The following ANGPT4 variants were observed in gnomAD, a reference collection of about 807,000 sequenced individuals.
ANGPT4 encodes angiopoietin-4.
Under a neutral mutation model 53.0 loss-of-function variants are expected in ANGPT4, and 50 were observed. The ratio of observed to expected loss-of-function variants is 0.94; its 90% CI spans 0.75 to 1.20. ANGPT4 has a LOEUF of 1.20. Among genes scored for constraint, ANGPT4 ranks in the 50% most tolerant of loss-of-function variants. The probability of loss-of-function intolerance (pLI) is 0.00; values close to 1 mark genes in which losing one functional copy is unlikely to be tolerated. For missense variants in ANGPT4, 648 were observed against 637.1 expected, an observed-to-expected ratio of 1.02 and a Z score of -0.18; for synonymous variants, 251 against 259.7, an observed-to-expected ratio of 0.97 and a Z score of 0.32.
At chr20:910,758 C>A (rs1256809946) in intron 1 of ANGPT4, among the ~76,000 whole-genome samples, 1 of 152,124 alleles carries the variant, frequency 6.6e-6, no homozygotes, top group Non-Finnish European at 1.5e-5. Context: ...GCCAGTTGAA[C>A]AAATAAACCC....
chr20:907,932 A>G (rs1418544669), intron 1 of ANGPT4, among the ~76,000 whole-genome samples: 2 of 152,168 alleles, frequency 1.3e-5, no homozygotes, highest in Non-Finnish European at 2.9e-5. Flanking sequence ...CTGGAGGAAA[A>G]GGGTGATTGT....
chr20:916,272 G>T lies in ANGPT4; in HGVS notation c.-58C>A. On this transcript the variant is annotated 5_prime_UTR_variant, in exon 1 of 9. Coordinates refer to ENST00000381922, the MANE Select transcript of ANGPT4 (RefSeq NM_015985.4). The stretch of plus-strand genomic sequence containing the variant: ...TCAGAGCCCTAGGGGCTGTGCCTGG[G>T]ATGTCCTGCTGCAGCCAACAGTGGC... The T allele has an allele frequency of 6.5e-7, 1 of 1,548,502 alleles. No individual in the cohort carries two copies.
chr20:877,283 A>G (rs1981205850), intron 7 of ANGPT4, among the ~76,000 whole-genome samples: 1 of 152,202 alleles, frequency 6.6e-6, no homozygotes, highest in South Asian at 2.1e-4. Flanking sequence ...GAAGAACCAG[A>G]TGACACGTGA....
chr20:881,323 G>T, intron 4 of ANGPT4, 37 bp from the exon 5 acceptor site: 1 of 1,596,320 alleles, frequency 6.3e-7, no homozygotes. Flanking sequence ...TTGGAGGTGG[G>T]CAAGGAAAGA....
intron 4 of ANGPT4, among the ~76,000 whole-genome samples, chr20:883,101 C>T (rs61141395): frequency 0.096 from 14,666 of 152,244 alleles, 1,105 homozygotes; most frequent in East Asian, 0.43. Flanking sequence ...TTATTATTCC[C>T]GTTTTACAAG....
chr20:886,765 A>G (rs1981633865), intron 3 of ANGPT4, among the ~76,000 whole-genome samples: 1 of 152,246 alleles, frequency 6.6e-6, no homozygotes, highest in Non-Finnish European at 1.5e-5. Context: ...TTGTATGGGT[A>G]CTCAAAGTAC....
chr20:874,483 A>G, intron 7 of ANGPT4, 69 bp from the exon 8 acceptor site: 1 of 1,587,612 alleles, frequency 6.3e-7, no homozygotes, highest in Admixed American at 1.7e-5. Flanking sequence ...TCGAGCAAGA[A>G]CTTCCCCAGT....
intron 1 of ANGPT4, among the ~76,000 whole-genome samples, chr20:903,710 T>A (rs59390575): frequency 1.3e-5 from 2 of 152,122 alleles, no homozygotes; most frequent in African/African-American, 4.8e-5. Context: ...GTGTGGGAAT[T>A]GGGATGAAGC....
intron 1 of ANGPT4, among the ~76,000 whole-genome samples, chr20:897,166 C>T (rs372777203): frequency 3.9e-5 from 6 of 152,172 alleles, no homozygotes; most frequent in African/African-American, 1.4e-4. Flanking sequence ...CACCTGCACC[C>T]AGGTGATTAA....
chr20:896,920 G>A (rs1476703804), intron 1 of ANGPT4, among the ~76,000 whole-genome samples: 1 of 152,170 alleles, frequency 6.6e-6, no homozygotes, highest in East Asian at 1.9e-4. Flanking sequence ...CATCCAGATG[G>A]CCTGATGCAA....
At chr20:913,655 G>C (rs1233910833) in intron 1 of ANGPT4, among the ~76,000 whole-genome samples, 1 of 152,256 alleles carries the variant, frequency 6.6e-6, no homozygotes, top group East Asian at 1.9e-4. Context: ...ACACCCAGGG[G>C]ATTCAAAGAT....
chr20:910,613 GC>G (rs1673609750), intron 1 of ANGPT4, among the ~76,000 whole-genome samples: 2 of 152,298 alleles, frequency 1.3e-5, no homozygotes, highest in African/African-American at 4.8e-5. Flanking sequence ...CAGACCTGGG[GC>G]CCGTTTTCTA....
At chr20:882,030 G>A (rs1403724984) in intron 4 of ANGPT4, among the ~76,000 whole-genome samples, 1 of 152,168 alleles carries the variant, frequency 6.6e-6, no homozygotes, top group East Asian at 1.9e-4. Flanking sequence ...GCTCCCTTGG[G>A]TGGGAAGCTG....
In ANGPT4 at chr20:872,895, A is replaced by G. The variant is rs1227747657; in HGVS notation, c.*65T>C. The G allele has an allele frequency of 6.3e-6, 10 of 1,591,248 alleles. No individual in the cohort carries two copies. The African/African-American group carries it at 1.1e-4, about 17-fold the overall frequency. The stretch of plus-strand genomic sequence containing the variant: ...GGCACAGTGTCTTGCATCTGGGTCC[A>G]GGTTGTCCAGGAGTGCCAAGTCCGA... On this transcript the variant is annotated 3_prime_UTR_variant, in exon 9 of 9. Transcript: ENST00000381922.
Position 873,088 on chromosome 20 carries a change from G to C in ANGPT4, c.1384C>G (p.Leu462Val). The C allele has an allele frequency of 6.2e-7, 1 of 1,613,968 alleles. No homozygotes were observed. The highest frequency in any genetic ancestry group is 8.5e-7 in the Non-Finnish European group (1 of 1,180,010). ...GGAGCGTGGTAGTAGACGCCGTTGAGGTTTGACAGGCCACAGGCGTCAAAC... is the reference window on the plus strand; with the variant it reads ...GGAGCGTGGTAGTAGACGCCGTTGACGTTTGACAGGCCACAGGCGTCAAAC... ...WWFDACGLSN[L>V]NGVYYHAPDN... The change falls in exon 9 of 9, where the codon CTC becomes GTC. Residue 462 changes from leucine to valine, a missense_variant. Leu to Val is a conservative substitution (Grantham distance 32, BLOSUM62 1). Coordinates refer to ENST00000381922, the MANE Select transcript of ANGPT4 (RefSeq NM_015985.4).
intron 4 of ANGPT4, among the ~76,000 whole-genome samples, chr20:884,338 A>G (rs934121999): frequency 4.6e-5 from 7 of 152,144 alleles, no homozygotes; most frequent in Non-Finnish European, 8.8e-5. Context: ...TCCCTTTGGG[A>G]CCCGTAAACC....
intron 5 of ANGPT4, among the ~76,000 whole-genome samples, chr20:880,323 CA>C (rs1435942849): frequency 2.6e-5 from 4 of 152,132 alleles, no homozygotes; most frequent in African/African-American, 7.2e-5. Context: ...GGAAATAGAG[CA>C]ATGGTAATAC....
chr20:892,832 C>G (rs923084225), intron 1 of ANGPT4, among the ~76,000 whole-genome samples: 2 of 152,140 alleles, frequency 1.3e-5, no homozygotes, highest in Non-Finnish European at 2.9e-5. Flanking sequence ...ACGCGCAGTT[C>G]CCCCCTTCGC....
rs576012766 is a variant in ANGPT4 at position 883,401 on chromosome 20, T to C, written c.835+1677A>G. ...CCAAACTCCCCAGTGCCTGGGAACA[T>C]CAGAAGACTTGACTCTCTTCTCCTT... On this transcript the variant is annotated intron_variant, in intron 4 of 8. Transcript: ENST00000381922. Among the ~76,000 whole-genome samples, 20 of 152,356 alleles carry C rather than the reference T, an allele frequency of 1.3e-4. No individual in the cohort carries two copies. The South Asian group carries it at 4.1e-3, about 32-fold the overall frequency.
Sources: allele counts gnomAD v4.1 joint callset (sites outside exome capture counted in the v4.1 genomes callset), GRCh38; gene constraint gnomAD v4.1.1; transcripts MANE v1.5; gene names NCBI Gene and HGNC (gene_info 2026-07-23, HGNC 2026-07-21).